Variants in TRIP12 observed in about 807,000 individuals in gnomAD.
TRIP12 encodes thyroid hormone receptor interactor 12.
Under a neutral mutation model 244.2 loss-of-function variants are expected in TRIP12, and 25 were observed. The ratio of observed to expected loss-of-function variants is 0.10; its 90% CI spans 0.07 to 0.14. The LOEUF (loss-of-function observed/expected upper bound fraction) is 0.14, where lower values mean the gene tolerates loss of function less well. Ranked by LOEUF, TRIP12 falls within the 10% of genes least tolerant of loss-of-function variation. The pLI is 1.00. For synonymous variants in TRIP12, 905 were observed against 873.1 expected (o/e 1.04, Z -0.64); for missense variants, 1,677 against 2,486.4 (o/e 0.67, Z 6.92).
intron 1 of TRIP12, among the ~76,000 whole-genome samples, chr2:229,908,624 C>T (rs879796825): frequency 6.6e-6 from 1 of 151,540 alleles, no homozygotes; most frequent in Non-Finnish European, 1.5e-5. Context: ...CCCAGCTACT[C>T]GGAGAGGCTG....
In TRIP12 at chr2:229,774,844, A is replaced by G. The variant is rs2035723685; in HGVS notation, c.5530-583T>C. Among the ~76,000 whole-genome samples the G allele has an allele frequency of 2.0e-5, 3 of 151,844 alleles. No individual in the cohort carries two copies. In the South Asian group the frequency reaches 6.2e-4, roughly 32 times the overall value. ...CACTGTGATCTAAAAAAAAAAAAAAAGTTCCAAGAAATCCCTAAGAAAAGG... is the reference window on the plus strand; with the variant it reads ...CACTGTGATCTAAAAAAAAAAAAAAGGTTCCAAGAAATCCCTAAGAAAAGG... On this transcript the variant is annotated intron_variant, in intron 37 of 41. Transcript: ENST00000675903.
chr2:229,919,159 A>G (rs569215652), intron 1 of TRIP12, among the ~76,000 whole-genome samples: 1 of 152,354 alleles, frequency 6.6e-6, no homozygotes, highest in African/African-American at 2.4e-5. Flanking sequence ...CTCCCCTGCA[A>G]TCCCAGCACT....
At chr2:229,923,080 T>C (rs2076819447), upstream of TRIP12, 1 of 155,432 alleles carries the variant, frequency 6.4e-6, no homozygotes, top group Admixed American at 6.4e-5. Context: ...TTTGTGGCCT[T>C]TACGCGTGCC....
chr2:229,784,967 T>C (rs1002891506), intron 34 of TRIP12, among the ~76,000 whole-genome samples: 1 of 152,132 alleles, frequency 6.6e-6, no homozygotes, highest in Non-Finnish European at 1.5e-5. Flanking sequence ...CACAAGGAAA[T>C]GAATACAAAT....
chr2:229,769,894 GCTTTCATGTC>G (rs2033559616), intron 39 of TRIP12, among the ~76,000 whole-genome samples: 1 of 152,142 alleles, frequency 6.6e-6, no homozygotes, highest in African/African-American at 2.4e-5. Context: ...AGCAATAAAT[GCTTTCATGTC>G]CTTATACTTT....
intron 1 of TRIP12, among the ~76,000 whole-genome samples, chr2:229,910,512 T>G (rs1577086089): frequency 6.6e-6 from 1 of 152,300 alleles, no homozygotes; most frequent in African/African-American, 2.4e-5. Context: ...AATTAAAACA[T>G]GTACCACAAT....
chr2:229,838,667 C>T (rs1433977872), intron 5 of TRIP12, among the ~76,000 whole-genome samples: 1 of 152,122 alleles, frequency 6.6e-6, no homozygotes, highest in Non-Finnish European at 1.5e-5. Context: ...GCATCTCAGA[C>T]TAAACCTTGA....
chr2:229,846,360 A>G (rs2057581547), intron 4 of TRIP12, among the ~76,000 whole-genome samples: 1 of 152,200 alleles, frequency 6.6e-6, no homozygotes, highest in African/African-American at 2.4e-5. Context: ...ATCAACACTG[A>G]GGCAAGATCA....
At chr2:229,907,033 G>C (rs548525492) in intron 1 of TRIP12, among the ~76,000 whole-genome samples, 2 of 152,048 alleles carry the variant, frequency 1.3e-5, no homozygotes, top group Non-Finnish European at 2.9e-5. Context: ...ATCTGGGTCA[G>C]GGTTATTTTT....
At position 229,875,340 on chromosome 2, in the gene TRIP12, T is replaced by C. The variant is rs115243624; in HGVS notation, c.98+4642A>G. ...TGATTTGGGAGAAAGGCACAAGAGG[T>C]CACTGGAAGGAGGTTACACAAAGAA... On this transcript the variant is annotated intron_variant, in intron 2 of 41. Transcript: ENST00000675903. 8.8e-3 allele frequency among the ~76,000 whole-genome samples: 1,335 copies of C among 152,190 alleles called. 14 individuals are homozygous for C. The highest frequency in any genetic ancestry group is 0.03 in the African/African-American group (1,259 of 41,522).
chr2:229,878,750 T>C (rs2064171915), intron 2 of TRIP12, among the ~76,000 whole-genome samples: 2 of 151,336 alleles, frequency 1.3e-5, no homozygotes, highest in Admixed American at 6.6e-5. Flanking sequence ...CCAGCTAAAT[T>C]TTTTTGTATT....
chr2:229,822,278 C>T (rs889517021), intron 8 of TRIP12, among the ~76,000 whole-genome samples: 1 of 152,230 alleles, frequency 6.6e-6, no homozygotes. Flanking sequence ...CAAAGACACA[C>T]AGCTGGTACC....
intron 2 of TRIP12, among the ~76,000 whole-genome samples, chr2:229,864,004 AAGAGAGAG>A (rs1163408528): frequency 2.9e-4 from 24 of 81,368 alleles, no homozygotes; most frequent in African/African-American, 6.2e-4. Flanking sequence ...ATTTGGGTGA[AAGAGAGAG>A]AGAGAGAGAG....
At chr2:229,869,803 TAA>T (rs531408709) in intron 2 of TRIP12, among the ~76,000 whole-genome samples, 5 of 152,190 alleles carry the variant, frequency 3.3e-5, no homozygotes, top group Non-Finnish European at 5.9e-5. Context: ...TAGAAAAGGC[TAA>T]GAGTCAACAC....
intron 25 of TRIP12, among the ~76,000 whole-genome samples, chr2:229,795,725 A>C (rs2042640733): frequency 1.3e-5 from 2 of 152,228 alleles, no homozygotes; most frequent in Admixed American, 6.5e-5. Flanking sequence ...ATTTTAATGT[A>C]CTACACACTG....
intron 39 of TRIP12, among the ~76,000 whole-genome samples, chr2:229,770,754 C>A (rs1404815834): frequency 6.6e-6 from 1 of 152,128 alleles, no homozygotes; most frequent in Non-Finnish European, 1.5e-5. Context: ...ATCATGGGGG[C>A]AGGTCTTTCC....
intron 1 of TRIP12, among the ~76,000 whole-genome samples, chr2:229,898,985 G>C (rs1040903420): frequency 2.0e-5 from 3 of 152,224 alleles, no homozygotes; most frequent in African/African-American, 7.2e-5. Flanking sequence ...ACTGTGCTCA[G>C]TATTGCTGAA....
chr2:229,784,434 T>G (rs1176420094), intron 34 of TRIP12, among the ~76,000 whole-genome samples: 2 of 149,338 alleles, frequency 1.3e-5, no homozygotes, highest in African/African-American at 4.9e-5. Context: ...ACTATAAAAC[T>G]TCTAGAAAAA....
In TRIP12 at chr2:229,811,031, C is replaced by T. The variant is rs772886513; in HGVS notation, c.2070G>A (p.Gln690=). 2 of 1,613,938 alleles carry T rather than the reference C, an allele frequency of 1.2e-6. No individual in the cohort carries two copies. Among genetic ancestry groups the T allele is most frequent in the South Asian group, 2.2e-5 (2 of 91,026 alleles). The change falls in exon 15 of 42, where the codon CAG becomes CAA. Residue 690 remains glutamine, a synonymous_variant. Coordinates refer to ENST00000675903, the MANE Select transcript of TRIP12 (RefSeq NM_001348323.3). Reference sequence around the variant, plus strand: ...TTGTAAGCAGATCTTTGGAAGCAACCTGCTGGAGTAAATTCTTCACAAACA... The same window carrying T: ...TTGTAAGCAGATCTTTGGAAGCAACTTGCTGGAGTAAATTCTTCACAAACA... ...NFQHEENLLQ[Q]VASKDLLTNV...
Sources: gnomAD v4.1 joint callset for allele counts (sites outside exome capture counted in the v4.1 genomes callset) on GRCh38, gnomAD v4.1.1 for gene constraint, MANE v1.5 for transcripts, NCBI Gene and HGNC (gene_info 2026-07-23, HGNC 2026-07-21) for gene names.